FGF14: variants seen among roughly 807,000 people sequenced by gnomAD.
The protein encoded by FGF14 is fibroblast growth factor homologous factor 4.
FGF14 carries 5 observed loss-of-function variants against 25.5 expected under a neutral mutation model. The observed-to-expected ratio is 0.20, with a 90% CI of 0.10 to 0.41. The LOEUF (loss-of-function observed/expected upper bound fraction) is 0.41, where lower values mean the gene tolerates loss of function less well. Ranked by LOEUF, FGF14 falls within the 10% of genes least tolerant of loss-of-function variation. The probability of loss-of-function intolerance (pLI) is 1.00; values close to 1 mark genes in which losing one functional copy is unlikely to be tolerated. For synonymous variants in FGF14, 138 were observed against 118.3 expected, an observed-to-expected ratio of 1.17 and a Z score of -1.08; for missense variants, 222 against 320.1, an observed-to-expected ratio of 0.69 and a Z score of 2.34.
intron 1 of FGF14, among the ~76,000 whole-genome samples, chr13:102,382,304 T>G (rs547926360): frequency 1.3e-5 from 2 of 152,056 alleles, no homozygotes; most frequent in African/African-American, 4.8e-5. Context: ...GACAACCCTA[T>G]TAAAAATGGG....
chr13:102,045,552 GA>G (rs970422297), intron 1 of FGF14, among the ~76,000 whole-genome samples: 1 of 151,744 alleles, frequency 6.6e-6, no homozygotes, highest in Non-Finnish European at 1.5e-5. Flanking sequence ...TAACAAGCTA[GA>G]AAAAAAATTA....
chr13:102,233,656 C>T (rs2051187855), intron 1 of FGF14, among the ~76,000 whole-genome samples: 1 of 152,082 alleles, frequency 6.6e-6, no homozygotes, highest in South Asian at 2.1e-4. Context: ...CACGTGACTC[C>T]CCATAGCTGA....
intron 1 of FGF14, among the ~76,000 whole-genome samples, chr13:102,162,093 T>G (rs538208689): frequency 6.6e-6 from 1 of 152,100 alleles, no homozygotes. Flanking sequence ...TATCTCCTGT[T>G]TTTTAAAAGA....
chr13:102,011,797 G>C (rs997216059), intron 1 of FGF14, among the ~76,000 whole-genome samples: 2 of 152,146 alleles, frequency 1.3e-5, no homozygotes, highest in African/African-American at 4.8e-5. Context: ...CAATGTGACA[G>C]GGTATAATGA....
chr13:102,321,544 T>G (rs181236643), intron 1 of FGF14, among the ~76,000 whole-genome samples: 6 of 152,322 alleles, frequency 3.9e-5, no homozygotes, highest in Admixed American at 1.3e-4. Context: ...TAAATTCTTG[T>G]TAGTGGCTTT....
intron 1 of FGF14, among the ~76,000 whole-genome samples, chr13:102,158,527 G>A (rs1448055734): frequency 1.4e-5 from 2 of 147,614 alleles, no homozygotes; most frequent in African/African-American, 4.9e-5. Flanking sequence ...TTGTGGGGTG[G>A]GGGTAGCGGG....
chr13:102,288,883 C>T (rs935678870), intron 1 of FGF14, among the ~76,000 whole-genome samples: 4 of 152,158 alleles, frequency 2.6e-5, no homozygotes, highest in African/African-American at 7.2e-5. Context: ...CCACTCCTCA[C>T]CCTCTTTTCT....
intron 1 of FGF14, among the ~76,000 whole-genome samples, chr13:101,904,848 G>A (rs2032035448): frequency 6.6e-6 from 1 of 152,208 alleles, no homozygotes; most frequent in Admixed American, 6.5e-5. Context: ...ATGGGAACAG[G>A]AAACCTTTGC....
At chr13:102,079,636 G>A (rs578255678) in intron 1 of FGF14, among the ~76,000 whole-genome samples, 1 of 152,136 alleles carries the variant, frequency 6.6e-6, no homozygotes, top group African/African-American at 2.4e-5. Context: ...ATGATACTGG[G>A]GCACAGCAGT....
intron 1 of FGF14, among the ~76,000 whole-genome samples, chr13:102,074,407 C>A (rs746514903): frequency 1.3e-5 from 2 of 152,210 alleles, no homozygotes; most frequent in African/African-American, 2.4e-5. Flanking sequence ...GAGCATTCTT[C>A]TGAACCATGA....
intron 1 of FGF14, among the ~76,000 whole-genome samples, chr13:102,048,313 C>T (rs538133584): frequency 1.3e-5 from 2 of 152,124 alleles, no homozygotes; most frequent in Non-Finnish European, 2.9e-5. Flanking sequence ...TAATAAATAC[C>T]TGTACTGCAT....
intron 1 of FGF14, among the ~76,000 whole-genome samples, chr13:102,023,041 CGG>C (rs950645850): frequency 2.3e-5 from 2 of 88,074 alleles, no homozygotes; most frequent in African/African-American, 4.5e-5. Context: ...AAAATATTTT[CGG>C]ACACACACAC....
chr13:101,921,964 G>A (rs1239878635), intron 1 of FGF14, among the ~76,000 whole-genome samples: 1 of 152,072 alleles, frequency 6.6e-6, no homozygotes, highest in East Asian at 1.9e-4. Flanking sequence ...AAATTTCCAT[G>A]TACTTTCCTT....
intron 1 of FGF14, among the ~76,000 whole-genome samples, chr13:102,144,059 C>T (rs1056255684): frequency 6.6e-6 from 1 of 152,064 alleles, no homozygotes; most frequent in Admixed American, 6.6e-5. Context: ...TCTGTTGCCC[C>T]GGCTGGAATG....
chr13:101,934,842 G>T (rs1004279634), intron 1 of FGF14, among the ~76,000 whole-genome samples: 3 of 152,138 alleles, frequency 2.0e-5, no homozygotes, highest in Non-Finnish European at 4.4e-5. Flanking sequence ...TATTTCCATG[G>T]TTCCCACTGT....
chr13:102,208,943 G>A (rs76739986), intron 1 of FGF14, among the ~76,000 whole-genome samples: 192 of 152,292 alleles, frequency 1.3e-3, no homozygotes, highest in African/African-American at 4.5e-3. Flanking sequence ...AAATTTAAAT[G>A]ATTCTTTTCA....
intron 1 of FGF14, among the ~76,000 whole-genome samples, chr13:102,199,815 G>A (rs1223702845): frequency 1.3e-5 from 2 of 152,094 alleles, no homozygotes; most frequent in Admixed American, 6.5e-5. Flanking sequence ...TGTGCCACAT[G>A]CCAGACTTTA....
intron 3 of FGF14, among the ~76,000 whole-genome samples, chr13:101,844,712 T>A (rs577388399): frequency 1.3e-5 from 2 of 152,114 alleles, no homozygotes; most frequent in Admixed American, 1.3e-4. Flanking sequence ...TCCATTGACG[T>A]TCAGGAAAAA....
chr13:101,835,525 C>T (rs1022040153), intron 3 of FGF14, among the ~76,000 whole-genome samples: 27 of 151,818 alleles, frequency 1.8e-4, no homozygotes, highest in African/African-American at 6.5e-4. Context: ...GCAGGGTAAT[C>T]GATATGACTT....
Sources: gnomAD v4.1 joint callset for allele counts (sites outside exome capture counted in the v4.1 genomes callset) on GRCh38, gnomAD v4.1.1 for gene constraint, MANE v1.5 for transcripts, NCBI Gene and HGNC (gene_info 2026-07-23, HGNC 2026-07-21) for gene names.